CLEC4F: variants seen among roughly 807,000 people sequenced by gnomAD.
The protein encoded by CLEC4F is C-type lectin domain family 4 member F.
CLEC4F carries 45 observed loss-of-function variants against 53.4 expected under a neutral mutation model. The observed-to-expected ratio is 0.84, with a 90% confidence interval of 0.66 to 1.08. CLEC4F has a LOEUF of 1.08. Among genes scored for constraint, CLEC4F ranks in the 50% least tolerant of loss-of-function variants. The probability of loss-of-function intolerance (pLI) is 0.00; values close to 1 mark genes in which losing one functional copy is unlikely to be tolerated. For synonymous variants in CLEC4F, 245 were observed against 257.5 expected (o/e 0.95, Z 0.46); for missense variants, 753 against 698.2 (o/e 1.08, Z -0.88).
intron 1 of CLEC4F, 68 bp downstream of exon 1, chr2:70,820,395 G>A (rs1677171863): frequency 1.4e-6 from 2 of 1,420,136 alleles, no homozygotes; most frequent in African/African-American, 1.4e-5. Context: ...GCTGCCTTAT[G>A]GCAGAGGGCC....
Position 70,809,177 on chromosome 2 carries a change from G to A in CLEC4F, c.*94C>T, listed in dbSNP as rs1676399055. 2 of 1,560,398 alleles carry A rather than the reference G, an allele frequency of 1.3e-6. No individual in the cohort carries two copies. The highest frequency in any genetic ancestry group is 1.2e-5 in the South Asian group (1 of 84,784). On this transcript the variant is annotated 3_prime_UTR_variant, in exon 7 of 7. Coordinates refer to ENST00000272367, the MANE Select transcript of CLEC4F (RefSeq NM_173535.3). ...TGACATGGGATGAGTCTAGGGAGCT[G>A]ACTTGAGATGGGTCCTTCATCCCCT...
chr2:70,816,917 A>G lies in CLEC4F; in HGVS notation c.464T>C (p.Val155Ala). The G allele has an allele frequency of 1.9e-6, 3 of 1,613,816 alleles. No homozygotes were observed. Among genetic ancestry groups the G allele is most frequent in the Admixed American group, 1.7e-5 (1 of 59,982 alleles). The change falls in exon 4 of 7, where the codon GTT (valine) becomes GCT (alanine). Residue 155 changes from valine to alanine, a missense_variant. By Grantham distance (64) the Val-to-Ala change is moderately conservative (BLOSUM62 0). Transcript: ENST00000272367. ...ACTCAATGTAGTGGCATCCTTTAGA[A>G]CTCCTTTTACCATCTGGATGTCAGC... ...TNADIQMVKG[V>A]LKDATTLSLQ... is the part of the protein sequence containing the mutation.
At position 70,809,876 on chromosome 2, in the gene CLEC4F, G is replaced by A. The variant is rs369383205; in HGVS notation, c.1540-19C>T. 6.1e-5 allele frequency: 96 copies of A among 1,570,532 alleles called. No individual in the cohort carries two copies. Among genetic ancestry groups the A allele is most frequent in the Middle Eastern group, 1.7e-4 (1 of 5,990 alleles). On this transcript the variant is annotated intron_variant, in intron 5 of 6. Transcript: ENST00000272367. ...GAAATGCCTGCAGAGAAAAGGCAGT[G>A]TCAGTTTGCCCCTGTGTGTGGGGAG...
chr2:70,812,749 G>A (rs530467137), intron 4 of CLEC4F, 151 bp from the exon 5 acceptor site: 9 of 784,612 alleles, frequency 1.1e-5, no homozygotes, highest in Middle Eastern at 3.8e-4. Flanking sequence ...GGCCTGGGGG[G>A]CTGCACTGCC....
upstream of CLEC4F, among the ~76,000 whole-genome samples, chr2:70,823,162 G>A (rs1342956797): frequency 2.0e-5 from 3 of 152,072 alleles, no homozygotes; most frequent in Non-Finnish European, 2.9e-5. Context: ...CAGTGTTAGG[G>A]GCCCAATGTG....
chr2:70,820,251 T>A (rs1553397634), intron 1 of CLEC4F, among the ~76,000 whole-genome samples: 4 of 152,162 alleles, frequency 2.6e-5, no homozygotes, highest in Non-Finnish European at 5.9e-5. Context: ...GAGGGAGGCC[T>A]CACAGGACCA....
At chr2:70,820,194 A>G (rs1288996682) in intron 1 of CLEC4F, among the ~76,000 whole-genome samples, 3 of 152,224 alleles carry the variant, frequency 2.0e-5, no homozygotes, top group Non-Finnish European at 4.4e-5. Context: ...CCTGGCACAG[A>G]GCACAGAGCA....
At chr2:70,809,914 G>A in intron 5 of CLEC4F, 57 bp from the exon 6 acceptor site, 1 of 1,115,772 alleles carries the variant, frequency 9.0e-7, no homozygotes. Flanking sequence ...AGTTTTCCAG[G>A]CCACCTGGAG....
chr2:70,815,614 T>C (rs1283461091), intron 4 of CLEC4F, among the ~76,000 whole-genome samples: 7 of 152,202 alleles, frequency 4.6e-5, no homozygotes, highest in African/African-American at 1.7e-4. Context: ...GCAAATATTA[T>C]TGTCTCCCCC....
At chr2:70,825,171 A>G (rs1677316507), upstream of CLEC4F, among the ~76,000 whole-genome samples, 1 of 152,166 alleles carries the variant, frequency 6.6e-6, no homozygotes, top group African/African-American at 2.4e-5. Flanking sequence ...CACCAGACAA[A>G]TTCCATTTAA....
chr2:70,824,635 A>C (rs1305596935), upstream of CLEC4F, among the ~76,000 whole-genome samples: 6 of 149,872 alleles, frequency 4.0e-5, no homozygotes, highest in East Asian at 5.8e-4. Flanking sequence ...AAAAAAAAAA[A>C]AAAAAAAAAA....
chr2:70,810,749 G>A (rs552368352), intron 5 of CLEC4F: 21 of 457,410 alleles, frequency 4.6e-5, no homozygotes, highest in East Asian at 2.6e-4. Flanking sequence ...TATACAGTAC[G>A]TAATTAATGT....
chr2:70,818,566 C>T (rs1430043486), intron 3 of CLEC4F, among the ~76,000 whole-genome samples: 1 of 151,900 alleles, frequency 6.6e-6, no homozygotes, highest in East Asian at 1.9e-4. Context: ...AAAAAATTAG[C>T]CAGGCGTGGT....
chr2:70,812,287 G>A (rs1166556802), intron 5 of CLEC4F, among the ~76,000 whole-genome samples, 160 bp downstream of exon 5: 1 of 152,130 alleles, frequency 6.6e-6, no homozygotes, highest in African/African-American at 2.4e-5. Context: ...TCTACCTCCA[G>A]TGCATATGCT....
rs1553393559 is a variant in CLEC4F, at chr2:70,809,352, T to G, written c.1689A>C (p.Arg563Ser). 2 of 1,612,728 alleles carry G rather than the reference T, an allele frequency of 1.2e-6. No individual in the cohort carries two copies. Among genetic ancestry groups the G allele is most frequent in the Non-Finnish European group, 1.7e-6 (2 of 1,179,572 alleles). The change falls in exon 7 of 7, where the codon AGA (arginine) becomes AGC (serine). Residue 563 changes from arginine to serine, a missense_variant. Arg to Ser is a moderately radical substitution (Grantham distance 110). Coordinates refer to ENST00000272367, the MANE Select transcript of CLEC4F (RefSeq NM_173535.3). ...APGSKGSCPLRKYIIVNSGMG... is the reference protein window; with the variant it reads ...APGSKGSCPLSKYIIVNSGMG... Reference sequence around the variant, plus strand: ...TCCCAGAATTCACAATAATATACTTTCTGAGTGGGCAGGATCCCTTGGAAC... The same window carrying G: ...TCCCAGAATTCACAATAATATACTTGCTGAGTGGGCAGGATCCCTTGGAAC...
At chr2:70,811,260 TCATACTTC>T in intron 5 of CLEC4F, 1 of 979,744 alleles carries the variant, frequency 1.0e-6, no homozygotes, top group Non-Finnish European at 1.6e-6. Context: ...GTCTTAAATG[TCATACTTC>T]CATACACCTT....
chr2:70,815,040 C>T (rs1553395442), intron 4 of CLEC4F, among the ~76,000 whole-genome samples: 1 of 152,144 alleles, frequency 6.6e-6, no homozygotes, highest in Non-Finnish European at 1.5e-5. Context: ...GACCAGGAAC[C>T]GGGCAAAGCA....
chr2:70,821,582 C>A (rs1677224055), upstream of CLEC4F, among the ~76,000 whole-genome samples: 1 of 152,164 alleles, frequency 6.6e-6, no homozygotes, highest in South Asian at 2.1e-4. Flanking sequence ...ACTTGGGACC[C>A]CACTGGGCCT....
In CLEC4F at chr2:70,812,564, CT is replaced by C. The variant is rs781870818; in HGVS notation, c.1421del (p.Lys474SerfsTer44). 10 of 1,614,110 alleles carry C rather than the reference CT, an allele frequency of 6.2e-6. No individual in the cohort carries two copies. The East Asian group carries it at 2.0e-4, about 32-fold the overall frequency. On this transcript the variant is annotated frameshift_variant, in exon 5 of 7. Coordinates refer to ENST00000272367, the MANE Select transcript of CLEC4F (RefSeq NM_173535.3). LOFTEE classifies it high-confidence loss of function. ...QLLQMVLQGW[K>X]FNGGSLYYFS... ...AATAATATAAGCTTCCACCATTGAA[CT>C]TCCAGCCTTGCAGGACCATCTGGAG...
Sources: gnomAD v4.1 joint callset for allele counts (sites outside exome capture counted in the v4.1 genomes callset) on GRCh38, gnomAD v4.1.1 for gene constraint, MANE v1.5 for transcripts, NCBI Gene and HGNC (gene_info 2026-07-23, HGNC 2026-07-21) for gene names.